The following NECAB1 variants were observed in gnomAD, a reference collection of about 807,000 sequenced individuals.
NECAB1 encodes N-terminal EF-hand calcium binding protein 1.
Under a neutral mutation model 57.5 loss-of-function variants are expected in NECAB1, and 29 were observed. That is an observed-to-expected ratio of 0.50 (90% CI 0.38 to 0.69). The LOEUF (loss-of-function observed/expected upper bound fraction) is 0.69. Ranked by LOEUF, NECAB1 falls within the 30% of genes least tolerant of loss-of-function variation. NECAB1 has a pLI of 0.00. For synonymous variants in NECAB1, 142 were observed against 147.7 expected (o/e 0.96, Z 0.28); for missense variants, 372 against 413.8 (o/e 0.90, Z 0.88).
In NECAB1 at chr8:90,856,002, G is replaced by C. The variant is rs74440858; in HGVS notation, c.234-16126G>C. 8.1e-4 allele frequency among the ~76,000 whole-genome samples: 124 copies of C among 152,170 alleles called. No homozygotes were observed. In the East Asian group the frequency reaches 0.02, roughly 24 times the overall value. ...AATCTTCAAGTGATAGGGAGTCCGG[G>C]GGGTAAGAGAAATGGTTCCTGTTAC... On this transcript the variant is annotated intron_variant, in intron 3 of 12. Coordinates refer to ENST00000417640, the MANE Select transcript of NECAB1 (RefSeq NM_022351.5).
intron 2 of NECAB1, among the ~76,000 whole-genome samples, chr8:90,824,114 CT>C (rs1812188153): frequency 6.6e-6 from 1 of 151,772 alleles, no homozygotes; most frequent in Non-Finnish European, 1.5e-5. Flanking sequence ...GTATAAAATA[CT>C]TATAATGTCT....
At chr8:90,907,917 C>T (rs1357234166) in intron 5 of NECAB1, among the ~76,000 whole-genome samples, 4 of 152,104 alleles carry the variant, frequency 2.6e-5, no homozygotes, top group Non-Finnish European at 5.9e-5. Context: ...TATTTATAAA[C>T]TACTATTTTC....
intron 3 of NECAB1, among the ~76,000 whole-genome samples, chr8:90,854,987 G>T (rs977237086): frequency 3.3e-5 from 5 of 152,186 alleles, no homozygotes; most frequent in Non-Finnish European, 5.9e-5. Context: ...ACTGTAAAAG[G>T]GGTGACAGAG....
intron 3 of NECAB1, among the ~76,000 whole-genome samples, chr8:90,850,631 G>A (rs557030489): frequency 6.6e-6 from 1 of 152,344 alleles, no homozygotes; most frequent in African/African-American, 2.4e-5. Context: ...ACAGCTGAGA[G>A]GAAAGAGTAC....
intron 5 of NECAB1, among the ~76,000 whole-genome samples, chr8:90,904,864 C>CAA (rs1423571728): frequency 2.0e-5 from 3 of 152,020 alleles, no homozygotes; most frequent in African/African-American, 7.2e-5. Context: ...ATAAATGGTG[C>CAA]TAGAAAAATG....
At chr8:90,816,494 C>T (rs1446250264) in intron 2 of NECAB1, among the ~76,000 whole-genome samples, 4 of 151,708 alleles carry the variant, frequency 2.6e-5, no homozygotes, top group Non-Finnish European at 4.4e-5. Flanking sequence ...AGTTAATTTT[C>T]GCTATCTCAA....
chr8:90,942,779 G>A (rs924603473), intron 10 of NECAB1, among the ~76,000 whole-genome samples: 2 of 152,270 alleles, frequency 1.3e-5, no homozygotes, highest in African/African-American at 4.8e-5. Flanking sequence ...CTACTCAGGA[G>A]GCTGAGGCAG....
intron 2 of NECAB1, among the ~76,000 whole-genome samples, chr8:90,805,149 G>C (rs1432785052): frequency 6.6e-6 from 1 of 152,200 alleles, no homozygotes; most frequent in Admixed American, 6.5e-5. Context: ...GAAAAGGATA[G>C]TGGATAATCT....
intron 3 of NECAB1, among the ~76,000 whole-genome samples, chr8:90,855,438 A>C (rs1183929655): frequency 6.6e-6 from 1 of 152,204 alleles, no homozygotes; most frequent in African/African-American, 2.4e-5. Flanking sequence ...AGATATGCAA[A>C]AAGGCATGAA....
intron 3 of NECAB1, among the ~76,000 whole-genome samples, chr8:90,826,733 A>G (rs1400194087): frequency 1.3e-5 from 2 of 151,694 alleles, no homozygotes; most frequent in Admixed American, 1.3e-4. Flanking sequence ...ATATTTATTC[A>G]TACTAATGAA....
chr8:90,959,099 A>G lies in NECAB1; in HGVS notation c.*3587A>G. 1 of 708,238 alleles carries G rather than the reference A, an allele frequency of 1.4e-6. No homozygotes were observed. The highest frequency in any genetic ancestry group is 1.9e-5 in the South Asian group (1 of 54,040). 43.9% of individuals were successfully genotyped at this position (708,238 alleles called of 1,614,324 possible). On this transcript the variant is annotated 3_prime_UTR_variant, in exon 13 of 13. Coordinates refer to ENST00000417640, the MANE Select transcript of NECAB1 (RefSeq NM_022351.5). ...CAGTTTTTACTAATTAGTTTATCAA[A>G]CCAAATACTGTGAACGTACCAGGTG...
intron 3 of NECAB1, among the ~76,000 whole-genome samples, chr8:90,860,959 C>A (rs978140476): frequency 2.0e-5 from 3 of 152,128 alleles, no homozygotes; most frequent in African/African-American, 4.8e-5. Context: ...ATATTTTCTT[C>A]CTTCTAGATC....
chr8:90,812,515 G>GT (rs1165598594), intron 2 of NECAB1: 2 of 152,010 alleles, frequency 1.3e-5, no homozygotes, highest in African/African-American at 4.8e-5. Context: ...AATGAAGACA[G>GT]TTTTTTTCAT....
intron 3 of NECAB1, among the ~76,000 whole-genome samples, chr8:90,854,475 G>A (rs76895218): frequency 4.6e-3 from 700 of 152,202 alleles, no homozygotes; most frequent in African/African-American, 7.1e-3. Flanking sequence ...AATTAATAAC[G>A]TAGATGACCC....
Position 90,824,773 on chromosome 8 carries a change from A to C in NECAB1, c.181A>C (p.Ser61Arg). The C allele has an allele frequency of 1.9e-6, 3 of 1,553,696 alleles. No individual in the cohort carries two copies. Among genetic ancestry groups the C allele is most frequent in the Non-Finnish European group, 2.6e-6 (3 of 1,146,918 alleles). The stretch of plus-strand genomic sequence containing the variant: ...AGCATATTTTGCAGATGGTGTTCTC[A>C]GTGGAGAAGAATTACACGAGCTTTT... ...FKAYFADGVLSGEELHELFHT... is the reference protein window; with the variant it reads ...FKAYFADGVLRGEELHELFHT... The change falls in exon 3 of 13, where the codon AGT (serine) becomes CGT (arginine). Residue 61 changes from serine to arginine, a missense_variant. Transcript: ENST00000417640.
At chr8:90,903,465 G>A (rs1327950487) in intron 5 of NECAB1, among the ~76,000 whole-genome samples, 2 of 152,072 alleles carry the variant, frequency 1.3e-5, no homozygotes, top group Non-Finnish European at 2.9e-5. Context: ...AGAGTTTTAA[G>A]GTAGTTACTA....
chr8:90,945,600 G>C (rs1239976116), intron 10 of NECAB1, among the ~76,000 whole-genome samples: 1 of 152,170 alleles, frequency 6.6e-6, no homozygotes. Flanking sequence ...TTCTTCACTG[G>C]TTAGGCCTTG....
chr8:90,931,912 A>G (rs1036768028), intron 8 of NECAB1, among the ~76,000 whole-genome samples: 1 of 151,710 alleles, frequency 6.6e-6, no homozygotes, highest in African/African-American at 2.4e-5. Flanking sequence ...TCAAAAAAAT[A>G]AAATAAAATA....
At chr8:90,823,812 A>T (rs1443201726) in intron 2 of NECAB1, among the ~76,000 whole-genome samples, 1 of 151,862 alleles carries the variant, frequency 6.6e-6, no homozygotes, top group African/African-American at 2.4e-5. Flanking sequence ...TTGGCAGCTT[A>T]TCTGAGATAA....
Sources: gnomAD v4.1 joint callset for allele counts (sites outside exome capture counted in the v4.1 genomes callset) on GRCh38, gnomAD v4.1.1 for gene constraint, MANE v1.5 for transcripts, NCBI Gene and HGNC (gene_info 2026-07-23, HGNC 2026-07-21) for gene names.